The following XRCC4 variants were observed in gnomAD, a reference collection of about 807,000 sequenced individuals.
The protein encoded by XRCC4 is DNA repair protein XRCC4.
XRCC4 carries 28 observed loss-of-function variants against 39.1 expected under a neutral mutation model. The observed-to-expected ratio is 0.72, with a 90% CI of 0.53 to 0.98. The LOEUF (loss-of-function observed/expected upper bound fraction) is 0.98. Among genes scored for constraint, XRCC4 ranks in the 50% least tolerant of loss-of-function variants. The pLI is 0.00. For synonymous variants in XRCC4, 123 were observed against 126.4 expected (o/e 0.97, Z 0.18); for missense variants, 350 against 376.4 (o/e 0.93, Z 0.58).
At chr5:83,347,484 G>A (rs1452745629) in intron 7 of XRCC4, among the ~76,000 whole-genome samples, 7 of 152,164 alleles carry the variant, frequency 4.6e-5, no homozygotes, top group Admixed American at 3.3e-4. Flanking sequence ...GAGAGAGAGA[G>A]CAAAAGGGGA....
intron 3 of XRCC4, among the ~76,000 whole-genome samples, chr5:83,170,531 T>C (rs1749674779): frequency 6.6e-6 from 1 of 152,128 alleles, no homozygotes; most frequent in Non-Finnish European, 1.5e-5. Flanking sequence ...TCTTCCAAGC[T>C]CACATAATTG....
At chr5:83,291,983 G>GTGTGTA (rs1194277882) in intron 7 of XRCC4, among the ~76,000 whole-genome samples, 1 of 149,272 alleles carries the variant, frequency 6.7e-6, no homozygotes, top group Non-Finnish European at 1.5e-5. Context: ...GTGTGTGTGT[G>GTGTGTA]TGTATTTTAT....
chr5:83,196,578 A>C (rs1344657288), intron 4 of XRCC4, among the ~76,000 whole-genome samples: 1 of 151,876 alleles, frequency 6.6e-6, no homozygotes, highest in East Asian at 1.9e-4. Context: ...AACCTTTATT[A>C]TTCTATTAGT....
intron 6 of XRCC4, among the ~76,000 whole-genome samples, chr5:83,224,888 C>G (rs925544302): frequency 1.3e-5 from 2 of 152,168 alleles, no homozygotes; most frequent in African/African-American, 2.4e-5. Flanking sequence ...ATTGCCACTT[C>G]TATGAGCATC....
intron 7 of XRCC4, among the ~76,000 whole-genome samples, chr5:83,320,791 ATTAAG>A (rs1325606182): frequency 1.3e-5 from 2 of 151,132 alleles, no homozygotes; most frequent in African/African-American, 4.9e-5. Context: ...ACATTTTGAA[ATTAAG>A]TTATGTACTT....
At chr5:83,296,547 T>C (rs560084490) in intron 7 of XRCC4, among the ~76,000 whole-genome samples, 1 of 152,126 alleles carries the variant, frequency 6.6e-6, no homozygotes, top group Non-Finnish European at 1.5e-5. Flanking sequence ...TCATGCTTAA[T>C]ACCATTTATG....
intron 1 of XRCC4, among the ~76,000 whole-genome samples, chr5:83,089,930 A>G (rs552217964): frequency 1.3e-5 from 2 of 152,282 alleles, no homozygotes; most frequent in East Asian, 3.9e-4. Flanking sequence ...CAAATGAGAG[A>G]GGACACATAG....
At chr5:83,132,331 A>C (rs569960687) in intron 3 of XRCC4, among the ~76,000 whole-genome samples, 1 of 149,682 alleles carries the variant, frequency 6.7e-6, no homozygotes, top group African/African-American at 2.5e-5. Flanking sequence ...CTTCATTTCA[A>C]CTTCGGTGAA....
At chr5:83,100,014 G>T (rs993560341) in intron 1 of XRCC4, among the ~76,000 whole-genome samples, 4 of 151,956 alleles carry the variant, frequency 2.6e-5, no homozygotes, top group Admixed American at 2.0e-4. Flanking sequence ...TTTGTAAGAC[G>T]GTGATCTCAG....
chr5:83,333,779 T>A (rs1426754009), intron 7 of XRCC4, among the ~76,000 whole-genome samples: 2 of 151,870 alleles, frequency 1.3e-5, no homozygotes, highest in East Asian at 3.9e-4. Flanking sequence ...CCTTTTTTTT[T>A]TTTTTTGGGA....
chr5:83,112,339 T>G (rs766517959), intron 3 of XRCC4, among the ~76,000 whole-genome samples: 1 of 152,250 alleles, frequency 6.6e-6, no homozygotes, highest in Non-Finnish European at 1.5e-5. Context: ...ACTCTTCTAA[T>G]GTTTTGAAGC....
chr5:83,203,744 T>A, intron 5 of XRCC4, 37 bp downstream of exon 5: 1 of 1,598,218 alleles, frequency 6.3e-7, no homozygotes, highest in Non-Finnish European at 8.5e-7. Flanking sequence ...GACAGATGAA[T>A]ACATTTAAGT....
At chr5:83,180,957 T>C (rs1053495514) in intron 3 of XRCC4, among the ~76,000 whole-genome samples, 2 of 151,786 alleles carry the variant, frequency 1.3e-5, no homozygotes, top group Non-Finnish European at 2.9e-5. Context: ...GTATGCATGA[T>C]AATTTAAAAA....
At chr5:83,127,169 G>A (rs1747308612) in intron 3 of XRCC4, among the ~76,000 whole-genome samples, 1 of 152,082 alleles carries the variant, frequency 6.6e-6, no homozygotes. Context: ...TATTTTGTGT[G>A]TTATAAGGAC....
At chr5:83,119,988 C>T (rs1395528210) in intron 3 of XRCC4, among the ~76,000 whole-genome samples, 1 of 137,132 alleles carries the variant, frequency 7.3e-6, no homozygotes, top group Non-Finnish European at 1.5e-5. Flanking sequence ...CAGAGTGAGA[C>T]CTTGTCTCAC....
At chr5:83,084,747 A>C (rs1745105138) in intron 1 of XRCC4, among the ~76,000 whole-genome samples, 1 of 152,144 alleles carries the variant, frequency 6.6e-6, no homozygotes, top group African/African-American at 2.4e-5. Context: ...TTTTGCGTTT[A>C]AAATACTGTT....
intron 3 of XRCC4, among the ~76,000 whole-genome samples, chr5:83,180,223 C>A (rs1023364104): frequency 1.3e-5 from 2 of 152,020 alleles, no homozygotes; most frequent in Non-Finnish European, 2.9e-5. Context: ...TTCATGGAAT[C>A]TGGATTATAT....
intron 3 of XRCC4, among the ~76,000 whole-genome samples, chr5:83,154,388 G>A (rs777341187): frequency 1.3e-5 from 2 of 152,154 alleles, no homozygotes; most frequent in Non-Finnish European, 2.9e-5. Flanking sequence ...CAAAGGAGAT[G>A]TTCATTAGAG....
intron 1 of XRCC4, among the ~76,000 whole-genome samples, chr5:83,085,471 G>A (rs1206275690): frequency 8.5e-6 from 1 of 116,984 alleles, no homozygotes; most frequent in Non-Finnish European, 1.8e-5. Flanking sequence ...AAGTTTAAAT[G>A]TTTATGATTT....
Sources: gnomAD v4.1 joint callset for allele counts (sites outside exome capture counted in the v4.1 genomes callset) on GRCh38, gnomAD v4.1.1 for gene constraint, MANE v1.5 for transcripts, NCBI Gene and HGNC (gene_info 2026-07-23, HGNC 2026-07-21) for gene names.